The following DNAH11 variants were observed in gnomAD, a reference collection of about 807,000 sequenced individuals.
The protein encoded by DNAH11 is dynein axonemal heavy chain 11.
In DNAH11, 442 loss-of-function variants were observed where a neutral mutation model predicts 526.0. The observed-to-expected ratio is 0.84, with a 90% CI of 0.78 to 0.91. The LOEUF is 0.91. Ranked by LOEUF, DNAH11 falls within the 40% of genes least tolerant of loss-of-function variation. The pLI is 0.00. For missense variants in DNAH11, 6,989 were observed against 5,448.7 expected (o/e 1.28, Z -8.90); for synonymous variants, 2,461 against 1,935.9 (o/e 1.27, Z -7.12).
At chr7:21,638,870 T>G in intron 27 of DNAH11, 69 bp from the exon 28 acceptor site, 1 of 1,535,648 alleles carries the variant, frequency 6.5e-7, no homozygotes, top group South Asian at 1.3e-5. Flanking sequence ...AGGACTTGAG[T>G]TTTGTTTTGC....
chr7:21,766,082 TA>T (rs1787174760), intron 55 of DNAH11, among the ~76,000 whole-genome samples: 1 of 152,212 alleles, frequency 6.6e-6, no homozygotes, highest in South Asian at 2.1e-4. Flanking sequence ...CCATAACCAC[TA>T]AGTCAAATAA....
At chr7:21,830,876 C>T (rs149119395) in intron 65 of DNAH11, among the ~76,000 whole-genome samples, 259 of 152,230 alleles carry the variant, frequency 1.7e-3, no homozygotes, top group African/African-American at 6.0e-3. Context: ...TATTTGTACT[C>T]AGAAAAATAA....
At chr7:21,559,061 A>C (rs2128430944) in intron 3 of DNAH11, 63 bp downstream of exon 3, 72 of 1,408,990 alleles carry the variant, frequency 5.1e-5, no homozygotes, top group Non-Finnish European at 6.5e-5. Context: ...ACGGTGGCTC[A>C]TGCCTATAAT....
rs1785285166 is a variant in DNAH11, at chr7:21,606,437, A to C, written c.3660A>C (p.Glu1220Asp). The C allele has an allele frequency of 2.5e-6, 4 of 1,605,442 alleles. No homozygotes were observed. Among genetic ancestry groups the C allele is most frequent in the Non-Finnish European group, 3.4e-6 (4 of 1,177,698 alleles). Residue 1220 changes from glutamate to aspartate, a missense_variant, in exon 19 of 82, where the codon GAA becomes GAC. Transcript: ENST00000409508. ...CTTTGCTTTTGCAGGAATTACCTGA[A>C]AGATGGGAAACTACCAAAAAGATCG... ...QVYIQLEELP[E>D]RWETTKKIAA...
At chr7:21,803,358 G>T (rs1288921221) in intron 62 of DNAH11, among the ~76,000 whole-genome samples, 1 of 152,138 alleles carries the variant, frequency 6.6e-6, no homozygotes, top group Non-Finnish European at 1.5e-5. Context: ...GTTGCCCTCT[G>T]CCTCTCCACG....
In DNAH11 at chr7:21,864,562, C is replaced by G. The variant is rs1288591173; in HGVS notation, c.11401C>G (p.Pro3801Ala). 1 of 1,610,410 alleles carries G rather than the reference C, an allele frequency of 6.2e-7. No homozygotes were observed. The highest frequency in any genetic ancestry group is 1.7e-5 in the Admixed American group (1 of 59,684). The change falls in exon 70 of 82, where the codon CCT becomes GCT. Residue 3801 changes from proline to alanine, a missense_variant. Coordinates refer to ENST00000409508, the MANE Select transcript of DNAH11 (RefSeq NM_001277115.2). ...TTTGTTGAGAAAGAAAGAGATAGAC[C>G]CTCTTGAATTGGATTTCCTGCTTCG... ...QILLRKKEID[P>A]LELDFLLRFT...
intron 45 of DNAH11, among the ~76,000 whole-genome samples, chr7:21,727,515 C>G (rs1043448695): frequency 2.6e-5 from 4 of 152,234 alleles, no homozygotes; most frequent in African/African-American, 4.8e-5. Context: ...ACCTTTCTCT[C>G]TTTCTTCACT....
intron 13 of DNAH11, 43 bp downstream of exon 13, chr7:21,591,065 G>A (rs766335906): frequency 7.2e-7 from 1 of 1,380,566 alleles, no homozygotes. Flanking sequence ...GGCCTATTAT[G>A]AATATAAATA....
At chr7:21,815,833 T>A (rs1258384160) in intron 63 of DNAH11, among the ~76,000 whole-genome samples, 1 of 152,148 alleles carries the variant, frequency 6.6e-6, no homozygotes, top group East Asian at 1.9e-4. Flanking sequence ...TAAAATGGAT[T>A]GCTCTCTCCA....
chr7:21,784,558 G>C lies in DNAH11; in HGVS notation c.9597+18G>C. On this transcript the variant is annotated intron_variant, in intron 58 of 81. Coordinates refer to ENST00000409508, the MANE Select transcript of DNAH11 (RefSeq NM_001277115.2). Reference sequence around the variant, plus strand: ...TCAACAGGGTAAAGATAATTTATTGGTCCCTGAGTTTCCTCAAAGTAATAT... The same window carrying C: ...TCAACAGGGTAAAGATAATTTATTGCTCCCTGAGTTTCCTCAAAGTAATAT... 1 of 1,544,808 alleles carries C rather than the reference G, an allele frequency of 6.5e-7. No homozygotes were observed. The highest frequency in any genetic ancestry group is 8.8e-7 in the Non-Finnish European group (1 of 1,136,196).
intron 61 of DNAH11, among the ~76,000 whole-genome samples, chr7:21,800,193 C>T (rs936967508): frequency 1.3e-5 from 2 of 152,202 alleles, no homozygotes; most frequent in African/African-American, 4.8e-5. Context: ...CTCTCTTTCT[C>T]CACAATGGTT....
intron 41 of DNAH11, 21 bp from the exon 42 acceptor site, chr7:21,711,691 A>C (rs759185594): frequency 1.2e-6 from 2 of 1,606,422 alleles, no homozygotes; most frequent in South Asian, 2.2e-5. Flanking sequence ...CCCATGGGTG[A>C]CAGTGTGCTG....
intron 1 of DNAH11, among the ~76,000 whole-genome samples, chr7:21,544,385 A>T (rs1442493005): frequency 1.3e-5 from 2 of 152,228 alleles, no homozygotes; most frequent in Non-Finnish European, 2.9e-5. Flanking sequence ...AGGCTGCCTT[A>T]TGGTATTGTG....
chr7:21,655,509 C>T (rs1781974696), intron 28 of DNAH11, among the ~76,000 whole-genome samples: 1 of 151,914 alleles, frequency 6.6e-6, no homozygotes. Flanking sequence ...CTACAGAAGC[C>T]CCAGTAGGAT....
intron 6 of DNAH11, among the ~76,000 whole-genome samples, chr7:21,569,348 G>C (rs183771840): frequency 6.6e-6 from 1 of 152,308 alleles, no homozygotes; most frequent in Non-Finnish European, 1.5e-5. Flanking sequence ...TCAGAATGCA[G>C]AGGTTCTTGG....
At chr7:21,818,368 T>C (rs773775247) in intron 65 of DNAH11, 29 bp downstream of exon 65, 1 of 1,594,886 alleles carries the variant, frequency 6.3e-7, no homozygotes, top group Admixed American at 1.8e-5. Context: ...TTAACATATA[T>C]ATCTTGCTAA....
At chr7:21,622,484 G>A (rs924815494) in intron 25 of DNAH11, among the ~76,000 whole-genome samples, 1 of 152,052 alleles carries the variant, frequency 6.6e-6, no homozygotes, top group Non-Finnish European at 1.5e-5. Context: ...AAGTTCATAT[G>A]GCACCAAAAA....
At chr7:21,655,583 A>G (rs1781977102) in intron 28 of DNAH11, among the ~76,000 whole-genome samples, 1 of 152,192 alleles carries the variant, frequency 6.6e-6, no homozygotes, top group Non-Finnish European at 1.5e-5. Flanking sequence ...CAAGTAGAAA[A>G]TAGGTCACTT....
At chr7:21,756,775 C>G (rs537352770) in intron 54 of DNAH11, among the ~76,000 whole-genome samples, 1 of 152,180 alleles carries the variant, frequency 6.6e-6, no homozygotes, top group East Asian at 1.9e-4. Flanking sequence ...CTAAATTCTG[C>G]TAATCCTGTT....
Sources: gnomAD v4.1 joint callset for allele counts (sites outside exome capture counted in the v4.1 genomes callset) on GRCh38, gnomAD v4.1.1 for gene constraint, MANE v1.5 for transcripts, NCBI Gene and HGNC (gene_info 2026-07-23, HGNC 2026-07-21) for gene names.